TCF12: variants seen among roughly 807,000 people sequenced by gnomAD.
The protein encoded by TCF12 is transcription factor 12.
TCF12 carries 45 observed loss-of-function variants against 86.0 expected under a neutral mutation model. That is an observed-to-expected ratio of 0.52 (90% confidence interval 0.41 to 0.67). The LOEUF (loss-of-function observed/expected upper bound fraction) is 0.67. Among genes scored for constraint, TCF12 ranks in the 30% least tolerant of loss-of-function variants. The pLI is 0.00. For synonymous variants in TCF12, 330 were observed against 299.6 expected, an observed-to-expected ratio of 1.10 and a Z score of -1.05; for missense variants, 881 against 859.9, an observed-to-expected ratio of 1.02 and a Z score of -0.31.
At chr15:57,117,852 G>A (rs572369170) in intron 5 of TCF12, among the ~76,000 whole-genome samples, 5 of 152,128 alleles carry the variant, frequency 3.3e-5, no homozygotes, top group East Asian at 3.9e-4. Context: ...AACATGGAAC[G>A]CTTGCAGATA....
At chr15:56,952,189 TAC>T (rs58480587) in intron 3 of TCF12, among the ~76,000 whole-genome samples, 12,555 of 150,354 alleles carry the variant, frequency 0.084, 1,135 homozygotes, top group East Asian at 0.31. Flanking sequence ...TTTGTGTATA[TAC>T]ACACACACAC....
At chr15:57,135,455 G>A (rs1246539636) in intron 5 of TCF12, among the ~76,000 whole-genome samples, 3 of 152,004 alleles carry the variant, frequency 2.0e-5, no homozygotes, top group African/African-American at 7.2e-5. Context: ...TTGTCTTTAC[G>A]GTAGTATCCA....
intron 3 of TCF12, among the ~76,000 whole-genome samples, chr15:57,062,252 G>A (rs2068515994): frequency 6.6e-6 from 1 of 151,980 alleles, no homozygotes; most frequent in East Asian, 1.9e-4. Context: ...CACGGTGCCC[G>A]GCCGGTAACA....
At position 57,241,250 on chromosome 15, in the gene TCF12, C is replaced by G. The variant is rs1259737535; in HGVS notation, c.1036-2222C>G. Among the ~76,000 whole-genome samples the G allele has an allele frequency of 2.0e-5, 3 of 152,034 alleles. No homozygotes were observed. The East Asian group carries it at 5.8e-4, about 30-fold the overall frequency. ...GCTGGGATTACAGTCGCCCACCACGCCCGACTAATTTTTGTATGTCTAGTA... is the reference window on the plus strand; with the variant it reads ...GCTGGGATTACAGTCGCCCACCACGGCCGACTAATTTTTGTATGTCTAGTA... On this transcript the variant is annotated intron_variant, in intron 12 of 20. Coordinates refer to ENST00000333725, the MANE Select transcript of TCF12 (RefSeq NM_207037.2).
chr15:57,028,185 C>T lies in TCF12; in HGVS notation c.149-35565C>T, dbSNP rs930915748. Among the ~76,000 whole-genome samples, 9 of 152,234 alleles carry T rather than the reference C, an allele frequency of 5.9e-5. No individual in the cohort carries two copies. In the East Asian group the frequency reaches 1.7e-3, roughly 29 times the overall value. On this transcript the variant is annotated intron_variant, in intron 3 of 20. Coordinates refer to ENST00000333725, the MANE Select transcript of TCF12 (RefSeq NM_207037.2). ...GTTTCGCCATGTTGGGCAGGCTGGT[C>T]TTGAACTCCTGACCTCAGGTGATCT... is the stretch of plus-strand genomic sequence containing the variant.
chr15:57,271,052 C>T (rs924221420), intron 18 of TCF12, among the ~76,000 whole-genome samples: 1 of 152,204 alleles, frequency 6.6e-6, no homozygotes, highest in African/African-American at 2.4e-5. Context: ...GCAGTCTCTC[C>T]ATTATCAGAG....
At chr15:57,137,059 G>A (rs1305246520) in intron 5 of TCF12, among the ~76,000 whole-genome samples, 1 of 139,482 alleles carries the variant, frequency 7.2e-6, no homozygotes, top group East Asian at 2.2e-4. Flanking sequence ...GGCTCACTGC[G>A]AGCTCTGTCT....
chr15:57,163,883 G>A (rs2054670429), intron 5 of TCF12, among the ~76,000 whole-genome samples: 1 of 152,104 alleles, frequency 6.6e-6, no homozygotes, highest in Non-Finnish European at 1.5e-5. Flanking sequence ...TAGAATGACT[G>A]GCATAGAAGG....
chr15:57,058,431 A>G (rs1306126662), intron 3 of TCF12, among the ~76,000 whole-genome samples: 3 of 152,228 alleles, frequency 2.0e-5, no homozygotes, highest in African/African-American at 4.8e-5. Context: ...ACCTTATTGT[A>G]CTGTACTGTG....
At chr15:57,096,298 A>G (rs184696646) in intron 5 of TCF12, among the ~76,000 whole-genome samples, 12 of 152,274 alleles carry the variant, frequency 7.9e-5, no homozygotes, top group African/African-American at 2.6e-4. Flanking sequence ...CGACACCCCA[A>G]AATCACATTA....
In TCF12 at chr15:57,288,192, G is replaced by T. The variant is rs1170768098; in HGVS notation, c.*2047G>T. 6.6e-6 allele frequency: 1 copy of T among 152,406 alleles called. No individual in the cohort carries two copies. The highest frequency in any genetic ancestry group is 1.5e-5 in the Non-Finnish European group (1 of 68,006). 9.4% of individuals were successfully genotyped at this position (152,406 alleles called of 1,614,324 possible). ...TATATTAGGTAGTAAAAAATGTAGG[G>T]TTATTTACCATAACCTGTTCATTAA... On this transcript the variant is annotated 3_prime_UTR_variant, in exon 21 of 21. Transcript: ENST00000333725.
intron 6 of TCF12, among the ~76,000 whole-genome samples, chr15:57,188,762 C>T (rs1207156279): frequency 2.0e-5 from 3 of 152,154 alleles, no homozygotes; most frequent in Non-Finnish European, 4.4e-5. Flanking sequence ...AGTTGTACTT[C>T]TTCATCACAA....
At chr15:57,264,920 G>C (rs1318007886) in intron 18 of TCF12, among the ~76,000 whole-genome samples, 1 of 151,826 alleles carries the variant, frequency 6.6e-6, no homozygotes, top group Non-Finnish European at 1.5e-5. Context: ...AGTAGAGATG[G>C]GATTTCGCCA....
At chr15:57,273,960 A>G (rs957583646) in intron 19 of TCF12, among the ~76,000 whole-genome samples, 5 of 152,162 alleles carry the variant, frequency 3.3e-5, no homozygotes, top group African/African-American at 7.2e-5. Flanking sequence ...CTCTGTTCCA[A>G]CCAGCTGTGT....
At chr15:57,141,856 C>G (rs891242092) in intron 5 of TCF12, among the ~76,000 whole-genome samples, 1 of 152,036 alleles carries the variant, frequency 6.6e-6, no homozygotes, top group African/African-American at 2.4e-5. Context: ...TAGGTAGGAA[C>G]AGGAAGATTA....
intron 7 of TCF12, among the ~76,000 whole-genome samples, chr15:57,193,215 G>A (rs2057074951): frequency 6.6e-6 from 1 of 152,072 alleles, no homozygotes; most frequent in African/African-American, 2.4e-5. Flanking sequence ...TCTAACTCCA[G>A]GTTCATTGTC....
At chr15:57,170,784 TA>T in intron 6 of TCF12, among the ~76,000 whole-genome samples, 1 of 40,720 alleles carries the variant, frequency 2.5e-5, no homozygotes, top group South Asian at 6.0e-4. Context: ...ATATAATATA[TA>T]TATATAATAT....
chr15:57,131,200 G>A (rs1249549952), intron 5 of TCF12, among the ~76,000 whole-genome samples: 1 of 152,062 alleles, frequency 6.6e-6, no homozygotes, highest in Non-Finnish European at 1.5e-5. Flanking sequence ...AGGTAAACCT[G>A]GTGGTTAACA....
chr15:57,017,002 A>C lies in TCF12; in HGVS notation c.149-46748A>C, dbSNP rs377240078. 4.7e-4 allele frequency among the ~76,000 whole-genome samples: 72 copies of C among 152,248 alleles called. 1 individual carries two copies. Among genetic ancestry groups the C allele is most frequent in the African/African-American group, 1.6e-3 (67 of 41,552 alleles). On this transcript the variant is annotated intron_variant, in intron 3 of 20. Transcript: ENST00000333725. ...TGTTGCTGTCATGACAGTGGGGATA[A>C]GGGAACTGATGCAAATATGCTGATA...
Sources: allele counts gnomAD v4.1 joint callset (sites outside exome capture counted in the v4.1 genomes callset), GRCh38; gene constraint gnomAD v4.1.1; transcripts MANE v1.5; gene names NCBI Gene and HGNC (gene_info 2026-07-23, HGNC 2026-07-21).